The following MBP variants were observed in gnomAD, a reference collection of about 807,000 sequenced individuals.
MBP encodes Golli-MBP.
Under a neutral mutation model 35.8 loss-of-function variants are expected in MBP, and 16 were observed. The ratio of observed to expected loss-of-function variants is 0.45; its 90% confidence interval spans 0.30 to 0.68. MBP has a LOEUF of 0.68. Ranked by LOEUF, MBP falls within the 30% of genes least tolerant of loss-of-function variation. The pLI, the probability that MBP is intolerant of heterozygous loss-of-function variation, is 0.08. For synonymous variants in MBP, 143 were observed against 159.6 expected (o/e 0.90, Z 0.78); for missense variants, 380 against 404.7 (o/e 0.94, Z 0.52).
intron 1 of MBP, among the ~76,000 whole-genome samples, chr18:77,120,645 A>G (rs1472131580): frequency 2.0e-5 from 3 of 152,194 alleles, no homozygotes; most frequent in African/African-American, 7.2e-5. Context: ...GCAGCAGAAA[A>G]TTCCAGAGAG....
intron 3 of MBP, among the ~76,000 whole-genome samples, chr18:77,047,150 A>C (rs903707821): frequency 6.6e-6 from 1 of 152,260 alleles, no homozygotes; most frequent in African/African-American, 2.4e-5. Context: ...TGCCCAAGAG[A>C]ACCGCAGACC....
At chr18:77,037,493 C>T (rs1021358360) in intron 3 of MBP, among the ~76,000 whole-genome samples, 2 of 152,190 alleles carry the variant, frequency 1.3e-5, no homozygotes, top group African/African-American at 4.8e-5. Context: ...AGGGCATTCT[C>T]AGCATTGCCA....
intron 4 of MBP, chr18:77,010,061 G>A: frequency 3.1e-6 from 2 of 647,742 alleles, no homozygotes; most frequent in Non-Finnish European, 5.6e-6. Context: ...GGGGGGTGGA[G>A]GATGAAGGAC....
At chr18:77,123,924 G>C (rs1022538400) in intron 1 of MBP, among the ~76,000 whole-genome samples, 1 of 152,218 alleles carries the variant, frequency 6.6e-6, no homozygotes, top group African/African-American at 2.4e-5. Context: ...CTGTCTCTCT[G>C]GGTTGGTGGT....
At chr18:77,045,445 C>T (rs1973207675) in intron 3 of MBP, among the ~76,000 whole-genome samples, 1 of 152,010 alleles carries the variant, frequency 6.6e-6, no homozygotes. Flanking sequence ...TTGCATGCAT[C>T]TCTGAACTGA....
At chr18:77,128,879 T>C (rs12454662) in intron 1 of MBP, among the ~76,000 whole-genome samples, 4,223 of 152,308 alleles carry the variant, frequency 0.028, 275 homozygotes, top group East Asian at 0.18. Flanking sequence ...CTAACATCTT[T>C]GTTCCTATTT....
intron 4 of MBP, chr18:77,012,652 G>A (rs1341446234): frequency 3.7e-6 from 1 of 270,178 alleles, no homozygotes; most frequent in Non-Finnish European, 5.7e-6. Flanking sequence ...CAGAAGGGCA[G>A]GAGCTCGGGT....
chr18:77,079,188 C>T (rs1974785263), intron 2 of MBP, among the ~76,000 whole-genome samples: 1 of 152,178 alleles, frequency 6.6e-6, no homozygotes, highest in African/African-American at 2.4e-5. Context: ...GGTAGCAGGC[C>T]TAGGACTATT....
intron 2 of MBP, among the ~76,000 whole-genome samples, chr18:77,091,715 C>T (rs1242606174): frequency 2.0e-5 from 3 of 151,594 alleles, no homozygotes; most frequent in African/African-American, 7.3e-5. Flanking sequence ...TGCAAACACA[C>T]CACATACACA....
At chr18:77,130,695 T>C (rs920170844) in intron 1 of MBP, among the ~76,000 whole-genome samples, 1 of 151,852 alleles carries the variant, frequency 6.6e-6, no homozygotes, top group South Asian at 2.1e-4. Flanking sequence ...GTTTTTTTTT[T>C]TTCTTTTTTC....
At chr18:77,012,658 C>T (rs1005454781) in intron 4 of MBP, 8 of 307,294 alleles carry the variant, frequency 2.6e-5, no homozygotes, top group South Asian at 1.3e-4. Context: ...GGCAGGAGCT[C>T]GGGTGCTCAC....
At chr18:76,987,664 T>C in intron 7 of MBP, 7 of 990,592 alleles carry the variant, frequency 7.1e-6, no homozygotes, top group African/African-American at 1.7e-5. Context: ...TATGAGAGCA[T>C]TGCAGTTTCG....
chr18:77,039,430 C>A (rs530851598), intron 3 of MBP, among the ~76,000 whole-genome samples: 3 of 152,172 alleles, frequency 2.0e-5, no homozygotes, highest in East Asian at 3.9e-4. Flanking sequence ...AGCTCTGAGG[C>A]TAGAGGGGTA....
At chr18:77,009,743 G>T in intron 4 of MBP, 1 of 993,244 alleles carries the variant, frequency 1.0e-6, no homozygotes, top group East Asian at 2.9e-5. Context: ...GGCTGGGGGT[G>T]GGCCCCTGGC....
At position 77,102,387 on chromosome 18, in the gene MBP, C is replaced by T. The variant is rs901259665; in HGVS notation, c.51+2824G>A. ...GGTGACACGGCTGGAGCTCATGTCA[C>T]GTTTTCTTTTGTGATTCAAGTTTAA... On this transcript the variant is annotated intron_variant, in intron 2 of 8. Transcript: ENST00000355994. This position sits in a 1 kb window ranked among gnomAD's most constrained non-coding sequence, Gnocchi z 4.4. 6.6e-6 allele frequency among the ~76,000 whole-genome samples: 1 copy of T among 152,136 alleles called. No individual in the cohort carries two copies. Among genetic ancestry groups the T allele is most frequent in the Non-Finnish European group, 1.5e-5 (1 of 68,032 alleles).
rs564002079 is a variant in MBP at position 77,026,246 on chromosome 18, G to A, written c.140-8978C>T. Among the ~76,000 whole-genome samples, 3 of 152,380 alleles carry A rather than the reference G, an allele frequency of 2.0e-5. No individual in the cohort carries two copies. In the South Asian group the frequency reaches 6.2e-4, roughly 32 times the overall value. On this transcript the variant is annotated intron_variant, in intron 3 of 8. Transcript: ENST00000355994. ...CGGAGGGCGGCTGTCAGCCGCAACC[G>A]GAGGCAGAGCGCGGGCGTTCTGAGG...
intron 3 of MBP, among the ~76,000 whole-genome samples, chr18:77,033,461 T>C (rs929148301): frequency 1.3e-5 from 2 of 152,152 alleles, no homozygotes; most frequent in African/African-American, 4.8e-5. Context: ...AATTGGGGCT[T>C]TTGTTGTTGC....
intron 2 of MBP, among the ~76,000 whole-genome samples, chr18:77,100,336 A>T (rs1267808115): frequency 6.6e-6 from 1 of 152,230 alleles, no homozygotes; most frequent in Non-Finnish European, 1.5e-5. Context: ...TCAGATTTCC[A>T]GTCTTCTGGA....
chr18:77,066,509 A>G (rs1387755024), intron 2 of MBP, 124 bp from the exon 3 acceptor site: 1 of 794,394 alleles, frequency 1.3e-6, no homozygotes, highest in Non-Finnish European at 2.3e-6. Flanking sequence ...TCTGTTTTCA[A>G]GATAGAATAT....
Sources: allele counts gnomAD v4.1 joint callset (sites outside exome capture counted in the v4.1 genomes callset), GRCh38; gene constraint gnomAD v4.1.1; non-coding constraint Gnocchi (gnomAD v3.1); transcripts MANE v1.5; gene names NCBI Gene and HGNC (gene_info 2026-07-23, HGNC 2026-07-21).